PDE8B: variants seen among roughly 807,000 people sequenced by gnomAD.
PDE8B encodes the protein high affinity cAMP-specific and IBMX-insensitive 3',5'-cyclic phosphodiesterase 8B.
Under a neutral mutation model 101.3 loss-of-function variants are expected in PDE8B, and 26 were observed. The observed-to-expected ratio is 0.26, with a 90% CI of 0.19 to 0.36. PDE8B has a LOEUF of 0.36. Ranked by LOEUF, PDE8B falls within the 10% of genes least tolerant of loss-of-function variation. The pLI is 1.00. For synonymous variants in PDE8B, 424 were observed against 429.3 expected (o/e 0.99, Z 0.15); for missense variants, 810 against 1,163.1 (o/e 0.70, Z 4.42).
rs779996641 is a variant in PDE8B, at chr5:77,404,731, T to C, written c.1222T>C (p.Phe408Leu). The C allele has an allele frequency of 6.3e-7, 1 of 1,592,690 alleles. No homozygotes were observed. The highest frequency in any genetic ancestry group is 8.6e-7 in the Non-Finnish European group (1 of 1,160,582). The change falls in exon 12 of 22, where the codon TTC (phenylalanine) becomes CTC (leucine). Residue 408 changes from phenylalanine to leucine, a missense_variant. Transcript: ENST00000264917. Reference sequence around the variant, plus strand: ...TCTGAAATCCTTAGAGCCTCATTCATTCAGATATAAGAACAGGAGGAAAGA... The same window carrying C: ...TCTGAAATCCTTAGAGCCTCATTCACTCAGATATAAGAACAGGAGGAAAGA... Reference protein sequence around the residue: ...GDNSQTEPHSFRYKNRRKESI... With the variant: ...GDNSQTEPHSLRYKNRRKESI...
At chr5:77,182,875 C>T in the PDE8B span, among the ~76,000 whole-genome samples, 2 of 150,290 alleles carry the variant, frequency 1.3e-5, no homozygotes, top group Non-Finnish European at 3.0e-5. Context: ...TGCTCTTTAG[C>T]TTTTTAATTT....
Position 77,353,361 on chromosome 5 carries a change from T to C in PDE8B, c.1122T>C (p.Phe374=). ...TTGTTATTAGGAAAATTAGGCATTT[T>C]GTCTCGCTCAAGAAACTGTGTTGTA... ...VIGQGGKIRH[F]VSLKKLCCTT... Residue 374 remains phenylalanine, a synonymous_variant, in exon 10 of 22, where the codon TTT becomes TTC. Coordinates refer to ENST00000264917, the MANE Select transcript of PDE8B (RefSeq NM_003719.5). 6.3e-7 allele frequency: 1 copy of C among 1,589,498 alleles called. No individual in the cohort carries two copies. Among genetic ancestry groups the C allele is most frequent in the South Asian group, 1.1e-5 (1 of 90,556 alleles).
chr5:77,247,994 A>G (rs972681953), intron 1 of PDE8B, among the ~76,000 whole-genome samples: 2 of 152,200 alleles, frequency 1.3e-5, no homozygotes, highest in Admixed American at 6.5e-5. Flanking sequence ...CTTCACCCGC[A>G]TGGTGGTGTT....
At chr5:77,200,281 A>G in the PDE8B span, among the ~76,000 whole-genome samples, 2 of 152,238 alleles carry the variant, frequency 1.3e-5, no homozygotes, top group African/African-American at 4.8e-5. Context: ...AGACATCTTC[A>G]AATAGAACAG....
chr5:77,263,515 C>T (rs192697398), intron 1 of PDE8B, among the ~76,000 whole-genome samples: 1 of 152,276 alleles, frequency 6.6e-6, no homozygotes, highest in East Asian at 1.9e-4. Context: ...TTTTTCTCTA[C>T]TGAAAAATGA....
At chr5:77,327,628 G>A (rs941164157) in intron 3 of PDE8B, among the ~76,000 whole-genome samples, 41 of 152,250 alleles carry the variant, frequency 2.7e-4, no homozygotes, top group African/African-American at 9.4e-4. Context: ...TATTTCCACT[G>A]AGTATCCACC....
chr5:77,251,928 G>A (rs568929180), intron 1 of PDE8B, among the ~76,000 whole-genome samples: 1 of 152,132 alleles, frequency 6.6e-6, no homozygotes, highest in East Asian at 1.9e-4. Context: ...TGTTTTTAAT[G>A]CCTTTGAGTG....
intron 9 of PDE8B, 139 bp from the exon 10 acceptor site, chr5:77,353,207 T>C: frequency 3.0e-6 from 2 of 675,852 alleles, no homozygotes; most frequent in Non-Finnish European, 5.4e-6. Flanking sequence ...TTTCTGTAGA[T>C]TGAGTCTTGC....
Position 77,419,764 on chromosome 5 carries a change from T to G in PDE8B, c.2130-3T>G. The G allele has an allele frequency of 6.2e-7, 1 of 1,613,982 alleles. No homozygotes were observed. The highest frequency in any genetic ancestry group is 8.5e-7 in the Non-Finnish European group (1 of 1,179,896). ...AAGCCCCTTTGTCTTGTGGTTATTTTAGGAACCATTATCGAACGCTGCGCC... is the reference window on the plus strand; with the variant it reads ...AAGCCCCTTTGTCTTGTGGTTATTTGAGGAACCATTATCGAACGCTGCGCC... On this transcript the variant is annotated splice_region_variant and splice_polypyrimidine_tract_variant and intron_variant, in intron 18 of 21. Coordinates refer to ENST00000264917, the MANE Select transcript of PDE8B (RefSeq NM_003719.5).
intron 1 of PDE8B, among the ~76,000 whole-genome samples, 187 bp from the exon 2 acceptor site, chr5:77,311,807 T>TC (rs1441944511): frequency 2.6e-5 from 4 of 151,952 alleles, no homozygotes; most frequent in Non-Finnish European, 4.4e-5. Flanking sequence ...GGATACTTTT[T>TC]TTTTAATACA....
intron 14 of PDE8B, among the ~76,000 whole-genome samples, chr5:77,409,776 G>GA (rs1232278445): frequency 6.6e-6 from 1 of 152,196 alleles, no homozygotes; most frequent in South Asian, 2.1e-4. Flanking sequence ...GAATTCTTTA[G>GA]AAAAAAAGTC....
intron 10 of PDE8B, among the ~76,000 whole-genome samples, chr5:77,389,597 C>G (rs892500884): frequency 6.6e-6 from 1 of 152,154 alleles, no homozygotes; most frequent in East Asian, 1.9e-4. Flanking sequence ...CGATATTAAA[C>G]CTTGCCGTCC....
intron 1 of PDE8B, among the ~76,000 whole-genome samples, chr5:77,295,454 A>G (rs1222766567): frequency 6.6e-6 from 1 of 152,178 alleles, no homozygotes; most frequent in Non-Finnish European, 1.5e-5. Context: ...AGACAGCTGT[A>G]AAAAGTGGTT....
the PDE8B span, among the ~76,000 whole-genome samples, chr5:77,203,998 A>G: frequency 1.3e-5 from 2 of 151,648 alleles, no homozygotes; most frequent in Non-Finnish European, 2.9e-5. Flanking sequence ...CTTGCTTTAT[A>G]GATTGTAAAT....
At chr5:77,152,785 G>A in the PDE8B span, among the ~76,000 whole-genome samples, 2 of 142,434 alleles carry the variant, frequency 1.4e-5, no homozygotes, top group African/African-American at 5.0e-5. Context: ...CCTCACCTCC[G>A]CAGCCGGACC....
chr5:77,246,067 G>A (rs891457053), intron 1 of PDE8B, among the ~76,000 whole-genome samples: 1 of 151,792 alleles, frequency 6.6e-6, no homozygotes, highest in Non-Finnish European at 1.5e-5. Context: ...GCCCAGGCTG[G>A]TCTTGAATTC....
chr5:77,145,771 A>G, the PDE8B span: 1 of 152,244 alleles, frequency 6.6e-6, no homozygotes, highest in Non-Finnish European at 1.5e-5. Flanking sequence ...AGGGACGGAA[A>G]GAGTACAAAA....
chr5:77,187,797 A>G, the PDE8B span, among the ~76,000 whole-genome samples: 1 of 152,342 alleles, frequency 6.6e-6, no homozygotes, highest in Middle Eastern at 3.4e-3. Context: ...GATTAAGACA[A>G]TTACACTGAG....
chr5:77,321,497 A>T (rs910101248), intron 2 of PDE8B, among the ~76,000 whole-genome samples: 9 of 152,108 alleles, frequency 5.9e-5, no homozygotes, highest in African/African-American at 2.2e-4. Flanking sequence ...CCTAGCCTTT[A>T]TGTCTCTCTG....
Sources: allele counts gnomAD v4.1 joint callset (sites outside exome capture counted in the v4.1 genomes callset), GRCh38; gene constraint gnomAD v4.1.1; transcripts MANE v1.5; gene names NCBI Gene and HGNC (gene_info 2026-07-23, HGNC 2026-07-21).